NCEH1: variants seen among roughly 807,000 people sequenced by gnomAD.
NCEH1 encodes neutral cholesterol ester hydrolase 1, also known as 2-acetyl MAGE hydrolase.
Under a neutral mutation model 25.4 loss-of-function variants are expected in NCEH1, and 9 were observed. The ratio of observed to expected loss-of-function variants is 0.35; its 90% CI spans 0.21 to 0.62. The LOEUF is 0.62. NCEH1 is among the 20% of genes least tolerant of loss of function. NCEH1 has a pLI of 0.72. For missense variants in NCEH1, 412 were observed against 501.1 expected (o/e 0.82, Z 1.70); for synonymous variants, 200 against 199.8 (o/e 1.00, Z -0.01).
chr3:172,680,539 C>T (rs191899901), intron 1 of NCEH1, among the ~76,000 whole-genome samples: 4 of 152,266 alleles, frequency 2.6e-5, no homozygotes, highest in Admixed American at 1.3e-4. Context: ...TCCAGGCACC[C>T]AGGATGGTGG....
chr3:172,680,471 T>C (rs1200174003), intron 1 of NCEH1, among the ~76,000 whole-genome samples: 1 of 152,174 alleles, frequency 6.6e-6, no homozygotes, highest in Non-Finnish European at 1.5e-5. Flanking sequence ...GTTTGGTTTG[T>C]GTGCAACTTC....
At chr3:172,680,078 C>T (rs483772) in intron 1 of NCEH1, among the ~76,000 whole-genome samples, 73,065 of 151,984 alleles carry the variant, frequency 0.48, 18,259 homozygotes, top group East Asian at 0.78. Flanking sequence ...GCCCTAACTC[C>T]GCGTACTGAG....
rs1170564594 is a variant in NCEH1, at chr3:172,632,074, C to A, written c.*1401G>T. 6.6e-6 allele frequency: 1 copy of A among 152,576 alleles called. No individual in the cohort carries two copies. Among genetic ancestry groups the A allele is most frequent in the African/African-American group, 2.4e-5 (1 of 41,424 alleles). The allele number at this position is 152,576 out of a possible 1,614,324, so 9.5% of individuals were successfully genotyped here. On this transcript the variant is annotated 3_prime_UTR_variant, in exon 5 of 5. Transcript: ENST00000475381. ...CTAGGCAACACCAGGTGCCAGTGTA[C>A]GCCCTTCACTCAGAACATGAGCTTG...
chr3:172,647,969 A>G lies in NCEH1; in HGVS notation c.284T>C (p.Phe95Ser). 6.2e-7 allele frequency: 1 copy of G among 1,614,200 alleles called. No homozygotes were observed. Among genetic ancestry groups the G allele is most frequent in the African/African-American group, 1.3e-5 (1 of 75,048 alleles). The change falls in exon 2 of 5, where the codon TTT becomes TCT. Residue 95 changes from phenylalanine (F) to serine (S), a missense_variant. Coordinates refer to ENST00000475381, the MANE Select transcript of NCEH1 (RefSeq NM_020792.6). Reference sequence around the variant, plus strand: ...CTCTTCGGGCTTCGGAGGGCCTTCAAACACTCTGACTTCCACACCATCAAA... The same window carrying G: ...CTCTTCGGGCTTCGGAGGGCCTTCAGACACTCTGACTTCCACACCATCAAA... The part of the protein sequence containing the change: ...TDFDGVEVRV[F>S]EGPPKPEEPL...
chr3:172,661,897 A>G (rs576974736), intron 1 of NCEH1, among the ~76,000 whole-genome samples: 1 of 152,316 alleles, frequency 6.6e-6, no homozygotes, highest in South Asian at 2.1e-4. Context: ...TTTTCTAAAT[A>G]TACAATCATC....
chr3:172,706,010 C>CAAAAA (rs35383888), intron 1 of NCEH1, among the ~76,000 whole-genome samples: 1 of 103,968 alleles, frequency 9.6e-6, no homozygotes, highest in African/African-American at 3.8e-5. Context: ...CAACAACAAC[C>CAAAAA]AAAAAAAAAA....
chr3:172,663,080 C>A (rs1457326117), intron 1 of NCEH1, among the ~76,000 whole-genome samples: 3 of 152,108 alleles, frequency 2.0e-5, no homozygotes, highest in African/African-American at 4.8e-5. Context: ...ATCTTTCCTG[C>A]TTTCTCTTGT....
chr3:172,651,739 A>G (rs1320666971), intron 1 of NCEH1, among the ~76,000 whole-genome samples: 1 of 152,038 alleles, frequency 6.6e-6, no homozygotes, highest in Non-Finnish European at 1.5e-5. Flanking sequence ...TTGTAGTTTT[A>G]GTAGAGACAG....
At chr3:172,691,447 C>G (rs1015689361) in intron 1 of NCEH1, among the ~76,000 whole-genome samples, 1 of 152,296 alleles carries the variant, frequency 6.6e-6, no homozygotes, top group South Asian at 2.1e-4. Context: ...GAGTGACTTT[C>G]GGTCACTCAT....
intron 1 of NCEH1, among the ~76,000 whole-genome samples, chr3:172,685,717 C>T (rs576399703): frequency 1.3e-5 from 2 of 152,256 alleles, no homozygotes; most frequent in South Asian, 4.2e-4. Context: ...ATTTTTCTCC[C>T]ACTCTTCTGT....
chr3:172,685,199 T>C (rs1229503143), intron 1 of NCEH1, among the ~76,000 whole-genome samples: 4 of 150,398 alleles, frequency 2.7e-5, no homozygotes, highest in Non-Finnish European at 4.4e-5. Flanking sequence ...GAGGCTGAGA[T>C]GGGAGGATGG....
At chr3:172,697,663 G>C (rs182231431) in intron 1 of NCEH1, among the ~76,000 whole-genome samples, 1 of 152,080 alleles carries the variant, frequency 6.6e-6, no homozygotes, top group Non-Finnish European at 1.5e-5. Context: ...AGAGCTGAGC[G>C]TGGAGGGAGA....
chr3:172,678,077 T>G (rs896617606), intron 1 of NCEH1, among the ~76,000 whole-genome samples: 1 of 152,254 alleles, frequency 6.6e-6, no homozygotes, highest in Non-Finnish European at 1.5e-5. Context: ...CAGGTTTTGC[T>G]GCACTTAAGA....
intron 1 of NCEH1, among the ~76,000 whole-genome samples, chr3:172,689,943 G>C (rs1248988753): frequency 7.1e-6 from 1 of 140,958 alleles, no homozygotes; most frequent in South Asian, 2.2e-4. Flanking sequence ...TCACTCTGTC[G>C]CCCAGGCTGG....
chr3:172,690,293 T>G (rs774590982), intron 1 of NCEH1, among the ~76,000 whole-genome samples: 1 of 152,186 alleles, frequency 6.6e-6, no homozygotes, highest in South Asian at 2.1e-4. Context: ...AGAATAGTGC[T>G]GGTGCAAAGT....
chr3:172,650,760 C>T (rs1172803584), intron 1 of NCEH1, among the ~76,000 whole-genome samples: 3 of 140,314 alleles, frequency 2.1e-5, no homozygotes, highest in East Asian at 2.1e-4. Context: ...TGCAGTCAGC[C>T]GAGACTGTGC....
intron 1 of NCEH1, among the ~76,000 whole-genome samples, chr3:172,709,220 C>T (rs1025279573): frequency 6.6e-6 from 1 of 152,196 alleles, no homozygotes; most frequent in African/African-American, 2.4e-5. Flanking sequence ...CCGAGATTAA[C>T]TTATGATGGA....
At chr3:172,664,808 C>CA (rs1414733234) in intron 1 of NCEH1, among the ~76,000 whole-genome samples, 1 of 152,162 alleles carries the variant, frequency 6.6e-6, no homozygotes, top group Non-Finnish European at 1.5e-5. Flanking sequence ...TCAGCTCCAT[C>CA]AGGTCATTTA....
Position 172,633,562 on chromosome 3 carries a change from A to G in NCEH1, c.1140T>C (p.Cys380=). 6.2e-7 allele frequency: 1 copy of G among 1,614,100 alleles called. No homozygotes were observed. The highest frequency in any genetic ancestry group is 8.5e-7 in the Non-Finnish European group (1 of 1,179,984). The change falls in exon 5 of 5, where the codon TGT becomes TGC. Residue 380 remains cysteine, a synonymous_variant. Coordinates refer to ENST00000475381, the MANE Select transcript of NCEH1 (RefSeq NM_020792.6). ...TGGTGGGCCAGCTAGTGAAAATCAT[A>G]CATCCGTGAAAGCCATCCTCAAAGT... ...LDHFEDGFHG[C]MIFTSWPTNF... is the part of the protein sequence containing the mutation.
Sources: allele counts gnomAD v4.1 joint callset (sites outside exome capture counted in the v4.1 genomes callset), GRCh38; gene constraint gnomAD v4.1.1; transcripts MANE v1.5; gene names NCBI Gene and HGNC (gene_info 2026-07-23, HGNC 2026-07-21).